STARD13: variants seen among roughly 807,000 people sequenced by gnomAD.
STARD13 encodes the protein stAR-related lipid transfer protein 13.
A neutral mutation model predicts 106.4 loss-of-function variants in STARD13; 62 were observed. The ratio of observed to expected loss-of-function variants is 0.58; its 90% CI spans 0.48 to 0.72. The LOEUF (loss-of-function observed/expected upper bound fraction) is 0.72. Ranked by LOEUF, STARD13 falls within the 30% of genes least tolerant of loss-of-function variation. The probability of loss-of-function intolerance (pLI) is 0.00; values close to 1 mark genes in which losing one functional copy is unlikely to be tolerated. For missense variants in STARD13, 1,387 were observed against 1,424.0 expected (o/e 0.97, Z 0.42); for synonymous variants, 565 against 553.0 (o/e 1.02, Z -0.31).
rs1241204449 is a variant in STARD13, at chr13:33,110,828, C to T, written c.2687G>A (p.Gly896Glu). The T allele has an allele frequency of 6.2e-7, 1 of 1,613,998 alleles. No homozygotes were observed. The highest frequency in any genetic ancestry group is 8.5e-7 in the Non-Finnish European group (1 of 1,180,040). ...EIHVPTLEEL[G>E]TQLEESGATF... Reference sequence around the variant, plus strand: ...TGCCCCACTCTCCTCCAGCTGTGTCCCCAATTCTTCCAGGGTTGGCACGTG... The same window carrying T: ...TGCCCCACTCTCCTCCAGCTGTGTCTCCAATTCTTCCAGGGTTGGCACGTG... Residue 896 changes from glycine to glutamate, a missense_variant, in exon 11 of 14, where the codon GGG (glycine) becomes GAG (glutamate). Coordinates refer to ENST00000336934, the MANE Select transcript of STARD13 (RefSeq NM_178006.4).
intron 1 of STARD13, among the ~76,000 whole-genome samples, chr13:33,226,552 G>A (rs879348888): frequency 1.3e-5 from 2 of 150,418 alleles, no homozygotes; most frequent in Admixed American, 1.3e-4. Flanking sequence ...CTGCTGCCTT[G>A]GCCTCCTGAG....
chr13:33,538,216 G>A, the STARD13 span, among the ~76,000 whole-genome samples: 1 of 152,316 alleles, frequency 6.6e-6, no homozygotes, highest in South Asian at 2.1e-4. Flanking sequence ...TCCCGAAGAA[G>A]GGTGCAGAAA....
At chr13:33,542,719 A>G in the STARD13 span, among the ~76,000 whole-genome samples, 1 of 152,236 alleles carries the variant, frequency 6.6e-6, no homozygotes, top group Non-Finnish European at 1.5e-5. Context: ...ATCCGGGACC[A>G]GAGGCTGGTT....
In STARD13 at chr13:33,129,912, C is replaced by G. The variant is rs1029753057; in HGVS notation, c.765G>C (p.Arg255Ser). 1 of 1,613,276 alleles carries G rather than the reference C, an allele frequency of 6.2e-7. No individual in the cohort carries two copies. The highest frequency in any genetic ancestry group is 1.3e-5 in the African/African-American group (1 of 74,908). The part of the protein sequence containing the change: ...HPKNEKPTRA[R>S]AKSFLKRMET... Reference sequence around the variant, plus strand: ...CCATGCGTTTCAAAAATGATTTGGCCCTAGCCCTCGTGGGCTTCTCATTCT... The same window carrying G: ...CCATGCGTTTCAAAAATGATTTGGCGCTAGCCCTCGTGGGCTTCTCATTCT... Residue 255 changes from arginine to serine, a missense_variant, in exon 5 of 14, where the codon AGG becomes AGC. By Grantham distance (110) the Arg-to-Ser change is moderately radical (BLOSUM62 -1). Transcript: ENST00000336934.
intron 8 of STARD13, among the ~76,000 whole-genome samples, chr13:33,114,759 C>T (rs540555113): frequency 1.3e-5 from 2 of 152,234 alleles, no homozygotes; most frequent in East Asian, 1.9e-4. Flanking sequence ...CCTGTCATCT[C>T]TATATGTTGT....
At chr13:33,330,969 C>T (rs1012913577) in intron 1 of STARD13, among the ~76,000 whole-genome samples, 1 of 152,118 alleles carries the variant, frequency 6.6e-6, no homozygotes, top group African/African-American at 2.4e-5. Context: ...GTAATTTAGA[C>T]AGAATGGATA....
chr13:33,359,533 C>T, the STARD13 span: 4 of 173,392 alleles, frequency 2.3e-5, no homozygotes, highest in South Asian at 1.8e-4. Flanking sequence ...GACACAATGG[C>T]GTACACCTGT....
the STARD13 span, among the ~76,000 whole-genome samples, chr13:33,380,863 T>C: frequency 6.6e-5 from 10 of 151,910 alleles, no homozygotes; most frequent in African/African-American, 9.7e-5. Flanking sequence ...AAGGAGAAGG[T>C]CAGTGTGTCT....
upstream of STARD13, among the ~76,000 whole-genome samples, chr13:33,286,300 A>C (rs1450256306): frequency 2.0e-5 from 3 of 152,182 alleles, no homozygotes; most frequent in Non-Finnish European, 4.4e-5. Flanking sequence ...CCAGGAGTGA[A>C]TACACCACAG....
the STARD13 span, among the ~76,000 whole-genome samples, chr13:33,508,989 TAACATAGAA>T: frequency 4.1e-3 from 630 of 152,310 alleles, 3 homozygotes; most frequent in African/African-American, 6.9e-3. Context: ...TAAACATATC[TAACATAGAA>T]AACATAGAAA....
chr13:33,280,338 A>C (rs1286068804), intron 1 of STARD13: 1 of 152,154 alleles, frequency 6.6e-6, no homozygotes, highest in African/African-American at 2.4e-5. Flanking sequence ...GTTGAGTTCA[A>C]ATCAGGTGCC....
At chr13:33,372,847 A>G in the STARD13 span, among the ~76,000 whole-genome samples, 1 of 151,902 alleles carries the variant, frequency 6.6e-6, no homozygotes, top group South Asian at 2.1e-4. Context: ...AAAATAAATA[A>G]CTTACTATCC....
At chr13:33,162,566 G>A (rs1462455483) in intron 3 of STARD13, among the ~76,000 whole-genome samples, 1 of 152,166 alleles carries the variant, frequency 6.6e-6, no homozygotes, top group Non-Finnish European at 1.5e-5. Context: ...CCTCTTGAAT[G>A]CTCTGTTTGC....
the STARD13 span, among the ~76,000 whole-genome samples, chr13:33,657,153 C>T: frequency 1.3e-5 from 2 of 152,116 alleles, no homozygotes; most frequent in African/African-American, 4.8e-5. Flanking sequence ...GCCTATAGTC[C>T]CAGCTACTCG....
chr13:33,674,798 A>G, the STARD13 span, among the ~76,000 whole-genome samples: 6 of 152,142 alleles, frequency 3.9e-5, no homozygotes, highest in Admixed American at 2.6e-4. Context: ...TTTCCCCCCT[A>G]TTATTCCTTT....
Position 33,110,825 on chromosome 13 carries a change from G to A in STARD13, c.2690C>T (p.Thr897Ile). The change falls in exon 11 of 14, where the codon ACA (threonine) becomes ATA (isoleucine). Residue 897 changes from threonine (T) to isoleucine (I), a missense_variant. Thr to Ile is a moderately conservative substitution (Grantham distance 89). Transcript: ENST00000336934. ...AGTTGCCCCACTCTCCTCCAGCTGTGTCCCCAATTCTTCCAGGGTTGGCAC... is the reference window on the plus strand; with the variant it reads ...AGTTGCCCCACTCTCCTCCAGCTGTATCCCCAATTCTTCCAGGGTTGGCAC... Reference protein sequence around the residue: ...IHVPTLEELGTQLEESGATFH... With the variant: ...IHVPTLEELGIQLEESGATFH... 3.7e-6 allele frequency: 6 copies of A among 1,614,164 alleles called. No individual in the cohort carries two copies. The highest frequency in any genetic ancestry group is 5.1e-6 in the Non-Finnish European group (6 of 1,180,028).
At chr13:33,212,150 C>CT (rs1426242308) in intron 1 of STARD13, among the ~76,000 whole-genome samples, 1 of 152,116 alleles carries the variant, frequency 6.6e-6, no homozygotes, top group African/African-American at 2.4e-5. Flanking sequence ...AGAAGCATGC[C>CT]TTTTGGGGTG....
rs181744244 is a variant in STARD13, at chr13:33,302,817, T to C, written c.124+47473A>G. Among the ~76,000 whole-genome samples, 325 of 152,336 alleles carry C rather than the reference T, an allele frequency of 2.1e-3. 1 individual carries two copies. The highest frequency in any genetic ancestry group is 3.4e-3 in the Middle Eastern group (1 of 294). ...TTCCTGCTCTAGTTGTTTGCATATA[T>C]AGCTCTCAGATTAATCTCCTAAAGT... On this transcript the variant is annotated intron_variant, in intron 1 of 5. Transcript: ENST00000567873.
the STARD13 span, among the ~76,000 whole-genome samples, chr13:33,505,285 A>G: frequency 6.6e-6 from 1 of 152,190 alleles, no homozygotes; most frequent in Non-Finnish European, 1.5e-5. Context: ...TTGAAGATTC[A>G]TTAGTTGGTA....
Sources: gnomAD v4.1 joint callset for allele counts (sites outside exome capture counted in the v4.1 genomes callset) on GRCh38, gnomAD v4.1.1 for gene constraint, MANE v1.5 for transcripts, NCBI Gene and HGNC (gene_info 2026-07-23, HGNC 2026-07-21) for gene names.